Variants in RSRC1 observed in about 807,000 individuals in gnomAD.
RSRC1 encodes the protein arginine and serine rich coiled-coil 1, also known as serine/Arginine-related protein 53.
A neutral mutation model predicts 49.1 loss-of-function variants in RSRC1; 39 were observed. The ratio of observed to expected loss-of-function variants is 0.79; its 90% CI spans 0.61 to 1.04. The LOEUF (loss-of-function observed/expected upper bound fraction) is 1.04. RSRC1 is among the 50% of genes least tolerant of loss of function. The pLI, the probability that RSRC1 is intolerant of heterozygous loss-of-function variation, is 0.00. For missense variants in RSRC1, 388 were observed against 402.4 expected, an observed-to-expected ratio of 0.96 and a Z score of 0.31; for synonymous variants, 143 against 130.8, an observed-to-expected ratio of 1.09 and a Z score of -0.63.
chr3:158,401,335 T>C (rs1297225493), intron 6 of RSRC1, among the ~76,000 whole-genome samples: 1 of 152,040 alleles, frequency 6.6e-6, no homozygotes, highest in East Asian at 1.9e-4. Flanking sequence ...CCACAGACTT[T>C]CCTTAGTCCC....
chr3:158,514,909 A>G (rs909036550), intron 7 of RSRC1, among the ~76,000 whole-genome samples: 2 of 151,968 alleles, frequency 1.3e-5, no homozygotes, highest in African/African-American at 4.8e-5. Context: ...GTTGGTTTAA[A>G]GTCTGTTTTA....
At chr3:158,461,100 C>T (rs1208320148) in intron 7 of RSRC1, 97 bp downstream of exon 7, 1 of 739,002 alleles carries the variant, frequency 1.4e-6, no homozygotes, top group Admixed American at 3.1e-5. Context: ...AGGGTTACTT[C>T]ATGCTGTTTC....
At chr3:158,118,249 C>G (rs1224086358) in intron 1 of RSRC1, among the ~76,000 whole-genome samples, 2 of 151,980 alleles carry the variant, frequency 1.3e-5, no homozygotes, top group African/African-American at 4.8e-5. Context: ...CGTGCCTGGC[C>G]TTAATTTTAA....
intron 3 of RSRC1, among the ~76,000 whole-genome samples, chr3:158,145,944 G>A (rs941103732): frequency 6.6e-6 from 1 of 152,152 alleles, no homozygotes; most frequent in Non-Finnish European, 1.5e-5. Context: ...TGTTATTGGT[G>A]TATAAGAATG....
chr3:158,223,566 C>T (rs547337545), intron 4 of RSRC1, among the ~76,000 whole-genome samples: 68 of 149,044 alleles, frequency 4.6e-4, no homozygotes, highest in Non-Finnish European at 7.9e-4. Flanking sequence ...CATTTTGCCA[C>T]CTGATCTATA....
At chr3:158,239,178 T>C (rs1723420495) in intron 4 of RSRC1, among the ~76,000 whole-genome samples, 2 of 152,184 alleles carry the variant, frequency 1.3e-5, no homozygotes. Context: ...CTTACCCCAG[T>C]TAGAATGGCA....
chr3:158,523,876 A>G (rs1015340676), intron 7 of RSRC1, among the ~76,000 whole-genome samples: 6 of 152,062 alleles, frequency 3.9e-5, no homozygotes, highest in African/African-American at 4.8e-5. Flanking sequence ...AGTATTCTCA[A>G]TAAGTATTGT....
intron 5 of RSRC1, among the ~76,000 whole-genome samples, chr3:158,337,785 C>G (rs1200015931): frequency 6.6e-6 from 1 of 152,158 alleles, no homozygotes; most frequent in Admixed American, 6.5e-5. Context: ...AAACAGGTAG[C>G]CTCGATGTAA....
At chr3:158,187,346 A>G (rs921673603) in intron 3 of RSRC1, among the ~76,000 whole-genome samples, 3 of 152,030 alleles carry the variant, frequency 2.0e-5, no homozygotes, top group African/African-American at 7.2e-5. Context: ...TAAATGAGAC[A>G]TATACTAAAC....
chr3:158,221,417 A>G (rs563351725), intron 4 of RSRC1, among the ~76,000 whole-genome samples: 2 of 151,460 alleles, frequency 1.3e-5, no homozygotes, highest in South Asian at 2.1e-4. Context: ...GATGAGAAAC[A>G]TGGTATGCAG....
intron 4 of RSRC1, among the ~76,000 whole-genome samples, chr3:158,205,959 T>G (rs1721323747): frequency 1.3e-5 from 2 of 152,148 alleles, no homozygotes; most frequent in Admixed American, 1.3e-4. Flanking sequence ...AGTAAATAAT[T>G]TAGGCTTTCT....
At chr3:158,491,739 T>C (rs1219261027) in intron 7 of RSRC1, among the ~76,000 whole-genome samples, 3 of 152,192 alleles carry the variant, frequency 2.0e-5, no homozygotes, top group Non-Finnish European at 4.4e-5. Flanking sequence ...CTCAGTATAA[T>C]TTTCATGTAT....
intron 3 of RSRC1, among the ~76,000 whole-genome samples, chr3:158,161,783 TAAAATA>T (rs1718235454): frequency 6.6e-6 from 1 of 151,894 alleles, no homozygotes; most frequent in Non-Finnish European, 1.5e-5. Context: ...CATACATACA[TAAAATA>T]AAATGTGTGG....
intron 3 of RSRC1, among the ~76,000 whole-genome samples, chr3:158,145,923 C>T (rs568556763): frequency 1.1e-3 from 174 of 152,096 alleles, no homozygotes; most frequent in African/African-American, 4.0e-3. Context: ...TCATGTGGCT[C>T]TCTGTTTGTC....
intron 3 of RSRC1, among the ~76,000 whole-genome samples, chr3:158,155,997 T>C (rs938876944): frequency 3.9e-5 from 6 of 152,196 alleles, no homozygotes; most frequent in African/African-American, 1.4e-4. Flanking sequence ...CCTTTGAAGC[T>C]TTGTAGCCAG....
intron 6 of RSRC1, among the ~76,000 whole-genome samples, chr3:158,440,099 G>A (rs965169130): frequency 6.6e-6 from 1 of 152,058 alleles, no homozygotes; most frequent in Non-Finnish European, 1.5e-5. Context: ...AAACCTGCAC[G>A]TTCTACTCAT....
intron 7 of RSRC1, among the ~76,000 whole-genome samples, chr3:158,461,384 T>C (rs1279730899): frequency 1.3e-4 from 20 of 151,922 alleles, no homozygotes; most frequent in Admixed American, 1.3e-3. Context: ...AATAAAACTT[T>C]TTTAAAGTTG....
chr3:158,442,758 A>C (rs1363082986), intron 6 of RSRC1, among the ~76,000 whole-genome samples: 1 of 151,994 alleles, frequency 6.6e-6, no homozygotes, highest in African/African-American at 2.4e-5. Flanking sequence ...TTCAAGTCTT[A>C]TTGTTTAAGA....
At chr3:158,436,933 T>C (rs912350853) in intron 6 of RSRC1, among the ~76,000 whole-genome samples, 1 of 151,982 alleles carries the variant, frequency 6.6e-6, no homozygotes, top group Non-Finnish European at 1.5e-5. Context: ...GCAGATCTCA[T>C]AGCTAGTAAT....
Sources: allele counts gnomAD v4.1 joint callset (sites outside exome capture counted in the v4.1 genomes callset), GRCh38; gene constraint gnomAD v4.1.1; transcripts MANE v1.5; gene names NCBI Gene and HGNC (gene_info 2026-07-23, HGNC 2026-07-21).